The following SORCS1 variants were observed in gnomAD, a reference collection of about 807,000 sequenced individuals.
SORCS1 encodes VPS10 domain-containing receptor SorCS1.
A neutral mutation model predicts 146.1 loss-of-function variants in SORCS1; 60 were observed. That is an observed-to-expected ratio of 0.41 (90% CI 0.33 to 0.51). SORCS1 has a LOEUF of 0.51. Ranked by LOEUF, SORCS1 falls within the 20% of genes least tolerant of loss-of-function variation. The probability of loss-of-function intolerance (pLI) is 0.21; values close to 1 mark genes in which losing one functional copy is unlikely to be tolerated. For missense variants in SORCS1, 1,352 were observed against 1,487.6 expected (o/e 0.91, Z 1.50); for synonymous variants, 637 against 584.0 (o/e 1.09, Z -1.31).
In SORCS1 at chr10:106,673,136, C is replaced by CTTT. The variant is rs11397124; in HGVS notation, c.1941-154_1941-152dup. On this transcript the variant is annotated intron_variant, in intron 14 of 25. Transcript: ENST00000263054. The stretch of plus-strand genomic sequence containing the variant: ...TCAAAACGCATTCATGAAGAGGGTA[C>CTTT]TTTTTTTTTTTTTTGAGACAGAGTC... 2.3e-3 allele frequency: 1,006 copies of CTTT among 445,306 alleles called. 1 individual carries two copies. Among genetic ancestry groups the CTTT allele is most frequent in the African/African-American group, 3.3e-3 (155 of 46,722 alleles). 27.6% of individuals were successfully genotyped at this position (445,306 alleles called of 1,614,324 possible).
intron 5 of SORCS1, among the ~76,000 whole-genome samples, chr10:106,740,765 A>G (rs937820286): frequency 1.3e-5 from 2 of 152,236 alleles, no homozygotes; most frequent in Admixed American, 1.3e-4. Context: ...GGGTGAAAAT[A>G]CATGTTGTGT....
intron 17 of SORCS1, among the ~76,000 whole-genome samples, chr10:106,658,808 G>C (rs1226959907): frequency 6.6e-6 from 1 of 152,096 alleles, no homozygotes; most frequent in African/African-American, 2.4e-5. Context: ...TAACAATTAG[G>C]GTAGAGAGAG....
At chr10:106,628,209 G>T (rs919431026) in intron 19 of SORCS1, among the ~76,000 whole-genome samples, 1 of 152,200 alleles carries the variant, frequency 6.6e-6, no homozygotes, top group Non-Finnish European at 1.5e-5. Context: ...ATGTTAGGAA[G>T]ACTCAACAAC....
intron 6 of SORCS1, among the ~76,000 whole-genome samples, chr10:106,716,395 T>A (rs1173452733): frequency 6.6e-6 from 1 of 152,188 alleles, no homozygotes; most frequent in African/African-American, 2.4e-5. Flanking sequence ...TGAGAGTTAT[T>A]AGAAGCTTAG....
intron 19 of SORCS1, among the ~76,000 whole-genome samples, chr10:106,626,463 C>T (rs1265037267): frequency 6.6e-6 from 1 of 152,144 alleles, no homozygotes; most frequent in Non-Finnish European, 1.5e-5. Context: ...GCTTTTCTTT[C>T]CCCTATAAAG....
At chr10:107,076,180 G>A (rs942793746) in intron 1 of SORCS1, among the ~76,000 whole-genome samples, 4 of 152,040 alleles carry the variant, frequency 2.6e-5, no homozygotes, top group African/African-American at 7.2e-5. Flanking sequence ...TTTCGGCACC[G>A]TATTTGCTAG....
chr10:106,612,768 T>C (rs1847093438), intron 21 of SORCS1, among the ~76,000 whole-genome samples: 1 of 152,170 alleles, frequency 6.6e-6, no homozygotes, highest in Admixed American at 6.5e-5. Flanking sequence ...CTTTGTTCCA[T>C]GCCTATCTTT....
In SORCS1 at chr10:107,020,868, C is replaced by T. The variant is rs553779587; in HGVS notation, c.559-64288G>A. Among the ~76,000 whole-genome samples the T allele has an allele frequency of 3.3e-5, 5 of 152,256 alleles. No homozygotes were observed. In the East Asian group the frequency reaches 7.7e-4, roughly 24 times the overall value. On this transcript the variant is annotated intron_variant, in intron 1 of 25. Transcript: ENST00000263054. ...TTTTTCTACAGCACTAAATTCTCAACTTAATCAACTTCACTTTTCCTGTCT... is the reference window on the plus strand; with the variant it reads ...TTTTTCTACAGCACTAAATTCTCAATTTAATCAACTTCACTTTTCCTGTCT...
chr10:106,946,880 T>G (rs1954372954), intron 2 of SORCS1, among the ~76,000 whole-genome samples: 1 of 152,152 alleles, frequency 6.6e-6, no homozygotes, highest in African/African-American at 2.4e-5. Context: ...TACAGGTAGG[T>G]CTAAGAGATG....
chr10:107,163,929 C>A (rs750154906), intron 1 of SORCS1, 40 bp downstream of exon 1: 1 of 1,577,018 alleles, frequency 6.3e-7, no homozygotes, highest in Non-Finnish European at 8.6e-7. Flanking sequence ...TAACCCTTTC[C>A]ATCTTTCCAC....
chr10:106,686,030 T>C (rs781484133), intron 10 of SORCS1, among the ~76,000 whole-genome samples: 6 of 152,228 alleles, frequency 3.9e-5, no homozygotes, highest in Non-Finnish European at 7.3e-5. Context: ...TATCGGTATA[T>C]ACATCTGTCA....
At chr10:106,618,325 C>G (rs941959302) in intron 20 of SORCS1, 53 bp from the exon 21 acceptor site, 1 of 1,597,840 alleles carries the variant, frequency 6.3e-7, no homozygotes, top group East Asian at 2.2e-5. Context: ...TTACAGGTGA[C>G]ACAGCCACTA....
At chr10:106,934,326 C>T (rs1953582504) in intron 2 of SORCS1, among the ~76,000 whole-genome samples, 2 of 151,862 alleles carry the variant, frequency 1.3e-5, no homozygotes, top group Admixed American at 1.3e-4. Context: ...GGTGCGATCT[C>T]AGATCACTGC....
chr10:107,081,908 C>G lies in SORCS1; in HGVS notation c.558+82061G>C, dbSNP rs114304030. Reference sequence around the variant, plus strand: ...AGCGGGAAAGTGCTAGAAAAATTCTCTCTTTGTCTTTGGACTCACAGCAAA... The same window carrying G: ...AGCGGGAAAGTGCTAGAAAAATTCTGTCTTTGTCTTTGGACTCACAGCAAA... On this transcript the variant is annotated intron_variant, in intron 1 of 25. Transcript: ENST00000263054. 5.5e-3 allele frequency among the ~76,000 whole-genome samples: 839 copies of G among 152,260 alleles called. 4 individuals carry two copies. The highest frequency in any genetic ancestry group is 0.019 in the African/African-American group (806 of 41,542).
intron 2 of SORCS1, among the ~76,000 whole-genome samples, chr10:106,852,672 C>T (rs184647985): frequency 4.0e-5 from 6 of 151,280 alleles, no homozygotes; most frequent in Admixed American, 6.6e-5. Flanking sequence ...AGAAATTTCC[C>T]GCTATCCTTA....
intron 17 of SORCS1, among the ~76,000 whole-genome samples, chr10:106,665,374 T>C (rs74845821): frequency 9.9e-5 from 15 of 150,754 alleles, no homozygotes; most frequent in African/African-American, 3.7e-4. Context: ...CCTTCCCTTT[T>C]TTTTTCTCTC....
intron 1 of SORCS1, among the ~76,000 whole-genome samples, chr10:107,089,527 G>A (rs532686188): frequency 5.3e-5 from 8 of 152,202 alleles, no homozygotes; most frequent in African/African-American, 1.4e-4. Flanking sequence ...TATTTCTGGC[G>A]AGTCAGAAAA....
At chr10:106,664,147 C>G (rs1441082894) in intron 17 of SORCS1, among the ~76,000 whole-genome samples, 2 of 152,116 alleles carry the variant, frequency 1.3e-5, no homozygotes, top group African/African-American at 4.8e-5. Context: ...AGGTGGAGTC[C>G]TAGAAGGTAG....
chr10:106,968,700 T>C (rs1021885089), intron 1 of SORCS1, among the ~76,000 whole-genome samples: 2 of 152,164 alleles, frequency 1.3e-5, no homozygotes, highest in Admixed American at 1.3e-4. Flanking sequence ...TGTCAGAACA[T>C]AAACCTCAAT....
Sources: allele counts gnomAD v4.1 joint callset (sites outside exome capture counted in the v4.1 genomes callset), GRCh38; gene constraint gnomAD v4.1.1; transcripts MANE v1.5; gene names NCBI Gene and HGNC (gene_info 2026-07-23, HGNC 2026-07-21).